The following TMEM117 variants were observed in gnomAD, a reference collection of about 807,000 sequenced individuals.
TMEM117 encodes transmembrane protein 117.
In TMEM117, 27 loss-of-function variants were observed where a neutral mutation model predicts 52.4. The ratio of observed to expected loss-of-function variants is 0.51; its 90% CI spans 0.38 to 0.71. The LOEUF is 0.71. TMEM117 is among the 30% of genes least tolerant of loss of function. The pLI is 0.00. For synonymous variants in TMEM117, 215 were observed against 206.3 expected, an observed-to-expected ratio of 1.04 and a Z score of -0.36; for missense variants, 556 against 630.5, an observed-to-expected ratio of 0.88 and a Z score of 1.26.
chr12:43,951,523 C>T (rs181472890), intron 3 of TMEM117, among the ~76,000 whole-genome samples: 13 of 152,242 alleles, frequency 8.5e-5, no homozygotes, highest in Admixed American at 2.0e-4. Context: ...CAGAATTCCC[C>T]GCAGTGCAGC....
intron 2 of TMEM117, among the ~76,000 whole-genome samples, chr12:43,882,735 G>C (rs1943919769): frequency 6.6e-6 from 1 of 152,156 alleles, no homozygotes; most frequent in South Asian, 2.1e-4. Context: ...TGGAAAGGAG[G>C]CTTTCTTCCT....
At chr12:44,260,828 G>T (rs992996143) in intron 5 of TMEM117, among the ~76,000 whole-genome samples, 1 of 152,174 alleles carries the variant, frequency 6.6e-6, no homozygotes. Flanking sequence ...GAGAGGAGAG[G>T]CAGATGGGCA....
intron 3 of TMEM117, among the ~76,000 whole-genome samples, chr12:44,136,104 C>A (rs191946597): frequency 2.0e-5 from 3 of 152,240 alleles, no homozygotes; most frequent in East Asian, 3.9e-4. Context: ...GTTCTAAACA[C>A]TTAATTTTAT....
chr12:43,956,257 G>A lies in TMEM117; in HGVS notation c.410+11915G>A, dbSNP rs187326620. On this transcript the variant is annotated intron_variant, in intron 3 of 7. Coordinates refer to ENST00000266534, the MANE Select transcript of TMEM117 (RefSeq NM_032256.3). ...GCAAAGACTTTATGATGAAATTGCC[G>A]AAAGCAATTGCAACAAAAGCAAAAA... Among the ~76,000 whole-genome samples, 35 of 152,036 alleles carry A rather than the reference G, an allele frequency of 2.3e-4. 1 individual carries two copies. The East Asian group carries it at 4.4e-3, about 19-fold the overall frequency.
At chr12:43,991,127 A>C (rs1480399238) in intron 3 of TMEM117, among the ~76,000 whole-genome samples, 1 of 152,198 alleles carries the variant, frequency 6.6e-6, no homozygotes, top group African/African-American at 2.4e-5. Context: ...GGTGACTGCA[A>C]GTGTGGGTGA....
intron 2 of TMEM117, among the ~76,000 whole-genome samples, chr12:43,920,663 C>T (rs1430900521): frequency 6.6e-6 from 1 of 150,686 alleles, no homozygotes; most frequent in African/African-American, 2.4e-5. Flanking sequence ...GGAGTGATCC[C>T]TCTGCCTCAG....
chr12:43,964,648 A>G (rs1225133621), intron 3 of TMEM117, among the ~76,000 whole-genome samples: 1 of 152,216 alleles, frequency 6.6e-6, no homozygotes, highest in African/African-American at 2.4e-5. Flanking sequence ...TAAGTGTGCA[A>G]TAATTGAACA....
intron 2 of TMEM117, among the ~76,000 whole-genome samples, chr12:43,929,850 C>A (rs985256315): frequency 6.6e-6 from 1 of 151,974 alleles, no homozygotes; most frequent in African/African-American, 2.4e-5. Context: ...CTGACTTCTA[C>A]GTTATAATGC....
chr12:43,815,027 G>A, the TMEM117 span, among the ~76,000 whole-genome samples: 1 of 152,074 alleles, frequency 6.6e-6, no homozygotes, highest in South Asian at 2.1e-4. Flanking sequence ...TTACAGGCAT[G>A]AGCCACCACA....
chr12:43,962,668 C>T (rs1945421936), intron 3 of TMEM117, among the ~76,000 whole-genome samples: 1 of 152,140 alleles, frequency 6.6e-6, no homozygotes, highest in Admixed American at 6.5e-5. Flanking sequence ...CACCTGTAAA[C>T]CCAGCACTTT....
At chr12:43,831,833 G>A (rs891516945), upstream of TMEM117, among the ~76,000 whole-genome samples, 10 of 151,990 alleles carry the variant, frequency 6.6e-5, no homozygotes, top group African/African-American at 2.4e-4. Flanking sequence ...GTGAGCCACC[G>A]TGCCCGGCCT....
chr12:43,816,204 T>G, the TMEM117 span, among the ~76,000 whole-genome samples: 7 of 152,318 alleles, frequency 4.6e-5, no homozygotes, highest in African/African-American at 1.7e-4. Flanking sequence ...CCATTTGGCT[T>G]GTTGGGGGTA....
At chr12:44,328,333 CAAATT>C (rs138553360) in intron 6 of TMEM117, among the ~76,000 whole-genome samples, 3,204 of 152,194 alleles carry the variant, frequency 0.021, 108 homozygotes, top group African/African-American at 0.068. Context: ...TGCGCTGACT[CAAATT>C]GAATTGAATT....
chr12:44,147,931 C>CA (rs61271123), intron 4 of TMEM117, among the ~76,000 whole-genome samples: 1,356 of 61,382 alleles, frequency 0.022, 15 homozygotes, highest in African/African-American at 0.057. Flanking sequence ...GACTCTGTCT[C>CA]AAAAAAAAAA....
rs140018745 is a variant in TMEM117, at chr12:43,860,740, C to T, written c.277+15812C>T. On this transcript the variant is annotated intron_variant, in intron 2 of 7. Coordinates refer to ENST00000266534, the MANE Select transcript of TMEM117 (RefSeq NM_032256.3). ...GAGAAGTGGAGGGAGGTGGGACAGC[C>T]GGTCATAGGTTTTATAACAAGGCTT... 4.9e-4 allele frequency among the ~76,000 whole-genome samples: 74 copies of T among 152,106 alleles called. No homozygotes were observed. The East Asian group carries it at 0.011, about 22-fold the overall frequency.
At chr12:44,273,801 G>A (rs1950478655) in intron 5 of TMEM117, among the ~76,000 whole-genome samples, 3 of 151,960 alleles carry the variant, frequency 2.0e-5, no homozygotes, top group Admixed American at 2.0e-4. Flanking sequence ...TCAAAAAACT[G>A]GGTATAGAAG....
intron 4 of TMEM117, among the ~76,000 whole-genome samples, chr12:44,202,774 A>G (rs575960448): frequency 6.9e-6 from 1 of 145,676 alleles, no homozygotes; most frequent in South Asian, 2.1e-4. Flanking sequence ...CTGGTCCAGG[A>G]CTCCTTTGGA....
rs576872655 is a variant in TMEM117 at position 43,923,911 on chromosome 12, A to G, written c.278-20299A>G. 1.5e-4 allele frequency among the ~76,000 whole-genome samples: 23 copies of G among 152,314 alleles called. 1 individual carries two copies. Among genetic ancestry groups the G allele is most frequent in the African/African-American group, 4.8e-4 (20 of 41,590 alleles). ...ATTCATAGATTTATTTGTGAAGTTC[A>G]GGAAGGAAACACAATTTATACTATA... On this transcript the variant is annotated intron_variant, in intron 2 of 7. Transcript: ENST00000266534.
chr12:43,905,741 AT>A lies in TMEM117; in HGVS notation c.278-38468del, dbSNP rs765941873. Among the ~76,000 whole-genome samples the A allele has an allele frequency of 1.3e-3, 202 of 152,276 alleles. 1 individual carries two copies. The highest frequency in any genetic ancestry group is 2.5e-3 in the Non-Finnish European group (167 of 68,024). On this transcript the variant is annotated intron_variant, in intron 2 of 7. Transcript: ENST00000266534. Reference sequence around the variant, plus strand: ...TTTTCTATGAATTTCTGGATGTGGCATATCTTTATATTTTTAGAGAAGGGAG... The same window carrying A: ...TTTTCTATGAATTTCTGGATGTGGCAATCTTTATATTTTTAGAGAAGGGAG...
Sources: allele counts gnomAD v4.1 joint callset (sites outside exome capture counted in the v4.1 genomes callset), GRCh38; gene constraint gnomAD v4.1.1; transcripts MANE v1.5; gene names NCBI Gene and HGNC (gene_info 2026-07-23, HGNC 2026-07-21).